Variants in EMP1 observed in about 807,000 individuals in gnomAD.
The protein encoded by EMP1 is epithelial membrane protein 1, also known as tumor-associated membrane protein.
Under a neutral mutation model 15.7 loss-of-function variants are expected in EMP1, and 5 were observed. The observed-to-expected ratio is 0.32, with a 90% CI of 0.17 to 0.67. EMP1 has a LOEUF of 0.67. EMP1 is among the 30% of genes least tolerant of loss of function. The pLI is 0.74. For synonymous variants in EMP1, 78 were observed against 76.7 expected (o/e 1.02, Z -0.09); for missense variants, 166 against 194.2 (o/e 0.85, Z 0.86).
chr12:13,201,668 G>C (rs1864067437), intron 1 of EMP1, among the ~76,000 whole-genome samples: 1 of 152,112 alleles, frequency 6.6e-6, no homozygotes, highest in Non-Finnish European at 1.5e-5. Flanking sequence ...AGATTCTTTA[G>C]GTATGGTGTT....
At position 13,219,711 on chromosome 12, in the gene EMP1, A is replaced by G. The variant is rs1864242979; in HGVS notation, c.*5020A>G. On this transcript the variant is annotated 3_prime_UTR_variant, in exon 5 of 5. Coordinates refer to ENST00000256951, the MANE Select transcript of EMP1 (RefSeq NM_001423.3). The stretch of plus-strand genomic sequence containing the variant: ...CTTGGCACATGAGGGACTTTATGAT[A>G]TTAAGAGATTAATTAAACAACAGTG... The G allele has an allele frequency of 6.6e-6, 1 of 152,248 alleles. No individual in the cohort carries two copies. Among genetic ancestry groups the G allele is most frequent in the African/African-American group, 2.4e-5 (1 of 41,472 alleles). 9.4% of individuals were successfully genotyped at this position (152,248 alleles called of 1,614,324 possible).
rs529582938 is a variant in EMP1 at position 13,218,868 on chromosome 12, T to C, written c.*4177T>C. ...AAATAAATCTCATACCTAGAGAAAATGGAGGATCTGTGGGATGTAGATGAG... is the reference window on the plus strand; with the variant it reads ...AAATAAATCTCATACCTAGAGAAAACGGAGGATCTGTGGGATGTAGATGAG... On this transcript the variant is annotated 3_prime_UTR_variant, in exon 5 of 5. Transcript: ENST00000256951. 1.3e-5 allele frequency: 2 copies of C among 152,234 alleles called. No individual in the cohort carries two copies. The highest frequency in any genetic ancestry group is 4.1e-4 in the South Asian group (2 of 4,824). 9.4% of individuals were successfully genotyped at this position (152,234 alleles called of 1,614,324 possible).
At chr12:13,210,508 TG>T (rs1188915327) in intron 1 of EMP1, among the ~76,000 whole-genome samples, 2 of 152,280 alleles carry the variant, frequency 1.3e-5, no homozygotes, top group East Asian at 3.8e-4. Context: ...GCTGTGATTA[TG>T]GCTGAAAGCT....
In EMP1 at chr12:13,206,589, T is replaced by C. The variant is rs769154059; in HGVS notation, c.-42-4880T>C. Among the ~76,000 whole-genome samples, 55 of 152,344 alleles carry C rather than the reference T, an allele frequency of 3.6e-4. 1 individual carries two copies. In the Middle Eastern group the frequency reaches 0.014, roughly 38 times the overall value. ...TATTCTATTGTGTTGCTCCCAGTTA[T>C]TGTGTTTTAGGTCACTCTTAAAGAA... On this transcript the variant is annotated intron_variant, in intron 1 of 4. Transcript: ENST00000256951.
rs553793475 is a variant in EMP1, at chr12:13,219,132, T to C, written c.*4441T>C. The stretch of plus-strand genomic sequence containing the variant: ...AGCATTATAATAGCCTCTCTGCCTT[T>C]ATCTACAATCTCTCCAACCTGTGCT... On this transcript the variant is annotated 3_prime_UTR_variant, in exon 5 of 5. Transcript: ENST00000256951. The C allele has an allele frequency of 2.6e-5, 4 of 152,392 alleles. No homozygotes were observed. The East Asian group carries it at 7.7e-4, about 29-fold the overall frequency. The allele number at this position is 152,392 out of a possible 1,614,324, so 9.4% of individuals were successfully genotyped here. A position where few individuals can be genotyped will look rare whatever the true frequency, so the allele number is the denominator to read the frequency against.
intron 1 of EMP1, among the ~76,000 whole-genome samples, chr12:13,206,489 G>A (rs1385922267): frequency 6.6e-6 from 1 of 152,082 alleles, no homozygotes; most frequent in Non-Finnish European, 1.5e-5. Flanking sequence ...CCTCAGCTAG[G>A]GCTAATTCTT....
chr12:13,200,336 A>G (rs1408257906), intron 1 of EMP1, among the ~76,000 whole-genome samples: 1 of 152,160 alleles, frequency 6.6e-6, no homozygotes, highest in Non-Finnish European at 1.5e-5. Context: ...ACCACCCATC[A>G]TAGTAATTAC....
chr12:13,213,264 G>A (rs1864182681), intron 2 of EMP1, among the ~76,000 whole-genome samples: 1 of 152,120 alleles, frequency 6.6e-6, no homozygotes, highest in Non-Finnish European at 1.5e-5. Context: ...TTCTTTCTGG[G>A]TTTCACATTC....
intron 1 of EMP1, among the ~76,000 whole-genome samples, chr12:13,209,761 C>T (rs959175542): frequency 2.6e-5 from 4 of 152,088 alleles, no homozygotes; most frequent in African/African-American, 9.7e-5. Flanking sequence ...TCTCTTTTTA[C>T]TGTGCATTTA....
rs1864069846 is a variant in EMP1 at position 13,201,941 on chromosome 12, G to A, written c.-43+5069G>A. Among the ~76,000 whole-genome samples the A allele has an allele frequency of 2.0e-5, 3 of 150,388 alleles. No individual in the cohort carries two copies. The South Asian group carries it at 6.4e-4, about 32-fold the overall frequency. ...GTGTGGTGTACAGGTGTGGACAGGA[G>A]CAAATGAGGAACAGTTTGAGAGGAG... On this transcript the variant is annotated intron_variant, in intron 1 of 4. Transcript: ENST00000256951.
chr12:13,214,219 C>T (rs1864192954), intron 4 of EMP1: 2 of 595,466 alleles, frequency 3.4e-6, no homozygotes, highest in African/African-American at 3.7e-5. Flanking sequence ...TGCTCTTTTG[C>T]ATCCCTGAGT....
chr12:13,216,052 G>A lies in EMP1; in HGVS notation c.*1361G>A, dbSNP rs56315027. ...GATGGTAGACGAGCTGTCTGCTGCC[G>A]CAGGAGCACCTCTATACAGGACTTA... On this transcript the variant is annotated 3_prime_UTR_variant, in exon 5 of 5. Transcript: ENST00000256951. 4.2e-4 allele frequency: 79 copies of A among 187,094 alleles called. No homozygotes were observed. Among genetic ancestry groups the A allele is most frequent in the African/African-American group, 1.5e-3 (63 of 42,546 alleles). The allele number at this position is 187,094 out of a possible 1,614,324, so 11.6% of individuals were successfully genotyped here.
rs1864192982 is a variant in EMP1 at position 13,214,222 on chromosome 12, C to A, written c.317-312C>A. ...GGTGGAAGGACATGCTCTTTTGCAT[C>A]CCTGAGTAGCTTTCCTAGACCCACA... On this transcript the variant is annotated intron_variant, in intron 4 of 4. Transcript: ENST00000256951. The A allele has an allele frequency of 6.7e-6, 4 of 595,172 alleles. No homozygotes were observed. In the East Asian group the frequency reaches 8.4e-5, roughly 12 times the overall value. The allele number at this position is 595,172 out of a possible 1,614,324, so 36.9% of individuals were successfully genotyped here. A position where few individuals can be genotyped will look rare whatever the true frequency, so the allele number is the denominator to read the frequency against.
chr12:13,212,706 C>T (rs1295517471), intron 2 of EMP1, among the ~76,000 whole-genome samples: 1 of 152,220 alleles, frequency 6.6e-6, no homozygotes, highest in Non-Finnish European at 1.5e-5. Context: ...CAGGGATTGG[C>T]GTAGGTGATG....
At chr12:13,201,373 A>G (rs1331925995) in intron 1 of EMP1, among the ~76,000 whole-genome samples, 1 of 151,998 alleles carries the variant, frequency 6.6e-6, no homozygotes, top group Admixed American at 6.6e-5. Context: ...GTACCATTGC[A>G]CTCCAGCCTG....
rs1296141355 is a variant in EMP1, at chr12:13,216,636, T to G, written c.*1945T>G. 1.7e-6 allele frequency: 1 copy of G among 602,806 alleles called. No individual in the cohort carries two copies. The highest frequency in any genetic ancestry group is 1.9e-5 in the African/African-American group (1 of 53,904). The allele number at this position is 602,806 out of a possible 1,614,324, so 37.3% of individuals were successfully genotyped here. ...CTGTGACATTTATGTCTCATGTAAT[T>G]TGCATTACTCTGGTGGATTGTTCTA... On this transcript the variant is annotated 3_prime_UTR_variant, in exon 5 of 5. Coordinates refer to ENST00000256951, the MANE Select transcript of EMP1 (RefSeq NM_001423.3).
chr12:13,201,363 G>A (rs2121144648), intron 1 of EMP1, among the ~76,000 whole-genome samples: 1 of 152,066 alleles, frequency 6.6e-6, no homozygotes, highest in South Asian at 2.1e-4. Flanking sequence ...AGCTATGATT[G>A]TACCATTGCA....
intron 2 of EMP1, among the ~76,000 whole-genome samples, chr12:13,212,626 G>T (rs1337732403): frequency 1.3e-5 from 2 of 152,236 alleles, no homozygotes; most frequent in African/African-American, 4.8e-5. Flanking sequence ...GAGCGCCAAA[G>T]CGCTGCGTAT....
At chr12:13,214,411 C>T in intron 4 of EMP1, 123 bp from the exon 5 acceptor site, 1 of 1,383,894 alleles carries the variant, frequency 7.2e-7, no homozygotes, top group Non-Finnish European at 9.8e-7. Flanking sequence ...TGTTTAGGGA[C>T]AAACAAGCAG....
Sources: allele counts gnomAD v4.1 joint callset (sites outside exome capture counted in the v4.1 genomes callset), GRCh38; gene constraint gnomAD v4.1.1; transcripts MANE v1.5; gene names NCBI Gene and HGNC (gene_info 2026-07-23, HGNC 2026-07-21).